The following GRIP1 variants were observed in gnomAD, a reference collection of about 807,000 sequenced individuals.
The protein encoded by GRIP1 is glutamate receptor interacting protein 1.
Under a neutral mutation model 129.9 loss-of-function variants are expected in GRIP1, and 45 were observed. That is an observed-to-expected ratio of 0.35 (90% confidence interval 0.27 to 0.44). The LOEUF (loss-of-function observed/expected upper bound fraction) is 0.44. GRIP1 is among the 20% of genes least tolerant of loss of function. The probability of loss-of-function intolerance (pLI) is 1.00; values close to 1 mark genes in which losing one functional copy is unlikely to be tolerated. For synonymous variants in GRIP1, 530 were observed against 520.8 expected, an observed-to-expected ratio of 1.02 and a Z score of -0.24; for missense variants, 1,196 against 1,396.8, an observed-to-expected ratio of 0.86 and a Z score of 2.29.
intron 1 of GRIP1, among the ~76,000 whole-genome samples, chr12:67,036,639 G>T (rs2043100493): frequency 6.6e-6 from 1 of 151,982 alleles, no homozygotes; most frequent in African/African-American, 2.4e-5. Context: ...CCAGAATAAG[G>T]ATGTCAACAC....
intron 2 of GRIP1, among the ~76,000 whole-genome samples, chr12:66,560,478 G>A (rs1216212344): frequency 1.3e-5 from 2 of 151,484 alleles, no homozygotes; most frequent in Admixed American, 6.6e-5. Context: ...TATAGTAAAA[G>A]TTTTAATGTA....
intron 22 of GRIP1, among the ~76,000 whole-genome samples, chr12:66,376,102 A>G (rs1331454051): frequency 2.0e-5 from 3 of 152,282 alleles, no homozygotes; most frequent in Non-Finnish European, 4.4e-5. Context: ...TTATAGGATT[A>G]TCCATGTCCA....
chr12:66,425,559 C>G (rs1214749911), intron 14 of GRIP1, among the ~76,000 whole-genome samples: 1 of 152,162 alleles, frequency 6.6e-6, no homozygotes, highest in African/African-American at 2.4e-5. Flanking sequence ...ATAGCAAAGA[C>G]TTAGAACCAA....
intron 13 of GRIP1, among the ~76,000 whole-genome samples, chr12:66,435,836 T>C (rs1032919133): frequency 6.6e-6 from 1 of 152,252 alleles, no homozygotes; most frequent in African/African-American, 2.4e-5. Context: ...ATATTCATAA[T>C]GATGAACAAA....
At chr12:66,367,455 T>C (rs2055219054) in intron 23 of GRIP1, among the ~76,000 whole-genome samples, 1 of 152,042 alleles carries the variant, frequency 6.6e-6, no homozygotes, top group African/African-American at 2.4e-5. Context: ...CCATGCTCCC[T>C]GAAAGTGCTG....
At chr12:66,936,158 G>A (rs2041480507) in intron 1 of GRIP1, among the ~76,000 whole-genome samples, 1 of 152,124 alleles carries the variant, frequency 6.6e-6, no homozygotes, top group Non-Finnish European at 1.5e-5. Flanking sequence ...CTAGGCTCAG[G>A]CTTGTAATCT....
intron 1 of GRIP1, among the ~76,000 whole-genome samples, chr12:66,817,307 A>G (rs2136972806): frequency 6.6e-6 from 1 of 152,136 alleles, no homozygotes; most frequent in Admixed American, 6.6e-5. Flanking sequence ...CTCAAGACCC[A>G]TCTGCTCTTT....
intron 5 of GRIP1, among the ~76,000 whole-genome samples, chr12:66,524,207 C>T (rs1164872542): frequency 6.6e-6 from 1 of 152,156 alleles, no homozygotes; most frequent in Non-Finnish European, 1.5e-5. Flanking sequence ...CTCTCCACCC[C>T]AAATCAACAG....
intron 16 of GRIP1, among the ~76,000 whole-genome samples, chr12:66,400,970 G>T (rs1451444460): frequency 6.6e-6 from 1 of 152,084 alleles, no homozygotes; most frequent in South Asian, 2.1e-4. Flanking sequence ...TGCTGATTGG[G>T]TATTGGGGAT....
At chr12:66,523,238 A>G (rs964212909) in intron 5 of GRIP1, among the ~76,000 whole-genome samples, 46 of 151,628 alleles carry the variant, frequency 3.0e-4, no homozygotes, top group Admixed American at 4.6e-4. Context: ...CAGATTCACC[A>G]AAGTTGAAAT....
intron 1 of GRIP1, among the ~76,000 whole-genome samples, chr12:66,637,669 C>G (rs770283975): frequency 1.8e-4 from 28 of 151,950 alleles, no homozygotes; most frequent in South Asian, 8.3e-4. Flanking sequence ...AATCTGAGCC[C>G]GCTGGGAGCC....
upstream of GRIP1, among the ~76,000 whole-genome samples, chr12:66,808,418 C>T (rs1217552496): frequency 6.6e-6 from 1 of 152,092 alleles, no homozygotes; most frequent in Non-Finnish European, 1.5e-5. Context: ...CTGCCTCAGC[C>T]TCCCGAGTAG....
Position 66,539,116 on chromosome 12 carries a change from C to T in GRIP1, c.380G>A (p.Arg127Lys). Residue 127 changes from arginine (R) to lysine (K), a missense_variant, in exon 4 of 25, where the codon AGA (arginine) becomes AAA (lysine). Physicochemically the swap from Arg to Lys is conservative, Grantham distance 26 (BLOSUM62 2). Coordinates refer to ENST00000359742, the MANE Select transcript of GRIP1 (RefSeq NM_001366722.1). ...IISLLKNVGE[R>K]VVLEVEYELP... Reference sequence around the variant, plus strand: ...CTCGTACTCTACTTCAAGAACCACTCTTTCTCCCACATTCTTCAGCAAGCT... The same window carrying T: ...CTCGTACTCTACTTCAAGAACCACTTTTTCTCCCACATTCTTCAGCAAGCT... 1 of 1,614,142 alleles carries T rather than the reference C, an allele frequency of 6.2e-7. No individual in the cohort carries two copies. The highest frequency in any genetic ancestry group is 8.5e-7 in the Non-Finnish European group (1 of 1,180,020).
chr12:67,003,826 T>C (rs1475433735), intron 1 of GRIP1, among the ~76,000 whole-genome samples: 5 of 152,244 alleles, frequency 3.3e-5, no homozygotes, highest in Non-Finnish European at 5.9e-5. Context: ...ATTAATTTCC[T>C]GATGCTACTA....
At chr12:66,390,769 C>T (rs747756414) in intron 19 of GRIP1, among the ~76,000 whole-genome samples, 58 of 152,212 alleles carry the variant, frequency 3.8e-4, no homozygotes, top group African/African-American at 4.8e-5. Context: ...CCTGAGTCTA[C>T]TCTGATAGAA....
intron 1 of GRIP1, among the ~76,000 whole-genome samples, chr12:66,756,035 A>G (rs979891178): frequency 6.6e-6 from 1 of 152,322 alleles, no homozygotes; most frequent in South Asian, 2.1e-4. Context: ...TTTAAAAATT[A>G]TGGTAAAAAG....
chr12:66,582,207 C>T (rs199929379), intron 2 of GRIP1, among the ~76,000 whole-genome samples: 32,027 of 143,422 alleles, frequency 0.22, 3,775 homozygotes, highest in Admixed American at 0.25. Context: ...ATTCAACAAC[C>T]CTTCATGCTA....
intron 1 of GRIP1, among the ~76,000 whole-genome samples, chr12:66,850,973 A>G (rs535612343): frequency 6.7e-6 from 1 of 148,880 alleles, no homozygotes; most frequent in East Asian, 2.0e-4. Context: ...TAAGGTATCT[A>G]GTATGATATC....
chr12:66,531,053 C>T (rs977374245), intron 4 of GRIP1, among the ~76,000 whole-genome samples: 9 of 151,450 alleles, frequency 5.9e-5, no homozygotes, highest in African/African-American at 1.9e-4. Context: ...TGGCTAAGAT[C>T]GTGAAACCTC....
Sources: allele counts gnomAD v4.1 joint callset (sites outside exome capture counted in the v4.1 genomes callset), GRCh38; gene constraint gnomAD v4.1.1; transcripts MANE v1.5; gene names NCBI Gene and HGNC (gene_info 2026-07-23, HGNC 2026-07-21).